CEACAM18: variants seen among roughly 807,000 people sequenced by gnomAD.
The protein encoded by CEACAM18 is cell adhesion molecule CEACAM18.
In CEACAM18, 33 loss-of-function variants were observed where a neutral mutation model predicts 34.3. The ratio of observed to expected loss-of-function variants is 0.96; its 90% CI spans 0.73 to 1.29. The LOEUF (loss-of-function observed/expected upper bound fraction) is 1.29, where lower values mean the gene tolerates loss of function less well. CEACAM18 is among the 50% of genes most tolerant of loss of function. The pLI, the probability that CEACAM18 is intolerant of heterozygous loss-of-function variation, is 0.00. For synonymous variants in CEACAM18, 169 were observed against 180.9 expected (o/e 0.93, Z 0.53); for missense variants, 474 against 485.0 (o/e 0.98, Z 0.21).
In CEACAM18 at chr19:51,490,584, T is replaced by A; in HGVS notation, c.1090-3T>A. On this transcript the variant is annotated splice_polypyrimidine_tract_variant and splice_region_variant and intron_variant, in intron 5 of 5. Coordinates refer to ENST00000396477, the Ensembl canonical transcript of CEACAM18. Reference sequence around the variant, plus strand: ...TGGCTTCTTCCCTGATTTCTCCCCATAGGACAAATCGGGCTCCATGAGTGT... The same window carrying A: ...TGGCTTCTTCCCTGATTTCTCCCCAAAGGACAAATCGGGCTCCATGAGTGT... 1 of 1,232,070 alleles carries A rather than the reference T, an allele frequency of 8.1e-7. No homozygotes were observed. 76.3% of individuals were successfully genotyped at this position (1,232,070 alleles called of 1,614,324 possible). A position where few individuals can be genotyped will look rare whatever the true frequency, so the allele number is the denominator to read the frequency against.
intron 1 of CEACAM18, 140 bp downstream of exon 1, chr19:51,478,834 G>A (rs1488907807): frequency 3.5e-6 from 2 of 568,256 alleles, no homozygotes; most frequent in Admixed American, 4.1e-5. Flanking sequence ...GGGGAGAGGA[G>A]AAGGGGGAGG....
At chr19:51,479,914 G>A (rs1263597224) in intron 1 of CEACAM18, among the ~76,000 whole-genome samples, 1 of 152,174 alleles carries the variant, frequency 6.6e-6, no homozygotes, top group Non-Finnish European at 1.5e-5. Context: ...TGCACCACAA[G>A]GAGGCTCGAT....
At chr19:51,490,735 G>A (rs75411721) in exon 6 of CEACAM18, 1 of 732,192 alleles carries the variant, frequency 1.4e-6, no homozygotes, top group Non-Finnish European at 1.9e-6. Flanking sequence ...GGAGGGTACT[G>A]GCAAGAGAGG....
At chr19:51,487,250 A>G (rs1006978687) in intron 5 of CEACAM18, among the ~76,000 whole-genome samples, 7 of 152,096 alleles carry the variant, frequency 4.6e-5, no homozygotes, top group South Asian at 2.1e-4. Flanking sequence ...TGAGGCAAGC[A>G]GATTACTTGA....
At chr19:51,485,102 G>A (rs766130229) in exon 5 of CEACAM18, 2 of 1,525,510 alleles carry the variant, frequency 1.3e-6, no homozygotes, top group South Asian at 2.4e-5. Context: ...TCCATGCTCT[G>A]ATCAACCACT....
At chr19:51,480,626 C>T (rs1048531686) in exon 2 of CEACAM18, 13 of 1,613,772 alleles carry the variant, frequency 8.1e-6, no homozygotes, top group African/African-American at 8.0e-5. Context: ...CTACACTGTT[C>T]GGGTGGTTGC....
chr19:51,481,739 A>G, intron 3 of CEACAM18, 74 bp downstream of exon 3: 2 of 1,481,472 alleles, frequency 1.4e-6, no homozygotes, highest in Non-Finnish European at 1.8e-6. Flanking sequence ...ATATGTTAGG[A>G]CAGGCTGAGC....
intron 5 of CEACAM18, among the ~76,000 whole-genome samples, chr19:51,488,366 C>T (rs1342626727): frequency 6.6e-6 from 1 of 152,210 alleles, no homozygotes; most frequent in East Asian, 1.9e-4. Context: ...ACTTTATCCC[C>T]ATAGGAGATA....
exon 2 of CEACAM18, chr19:51,480,574 C>T: frequency 1.2e-6 from 2 of 1,614,014 alleles, no homozygotes; most frequent in Non-Finnish European, 1.7e-6. Flanking sequence ...ACAGAGAAGG[C>T]AGCCTGTTGA....
At chr19:51,482,927 T>C (rs367801694) in intron 3 of CEACAM18, 90 bp from the exon 4 acceptor site, 52 of 1,512,880 alleles carry the variant, frequency 3.4e-5, no homozygotes, top group Middle Eastern at 2.3e-4. Flanking sequence ...AGGTGCACAA[T>C]GGGGAACCTC....
chr19:51,491,266 A>T (rs1990092223), downstream of CEACAM18: 1 of 166,482 alleles, frequency 6.0e-6, no homozygotes. Flanking sequence ...GCCATTTTGA[A>T]ATATTCAATA....
In CEACAM18 at chr19:51,480,066, C is replaced by T. The variant is rs528732359; in HGVS notation, c.53-267C>T. On this transcript the variant is annotated intron_variant, in intron 1 of 5. Transcript: ENST00000396477. ...CGCAACTTGGGCTTATTAACATTTA[C>T]GTAACTGTGATGTGAGGATGGATTG... is the stretch of plus-strand genomic sequence containing the variant. Among the ~76,000 whole-genome samples the T allele has an allele frequency of 2.0e-5, 3 of 152,172 alleles. No homozygotes were observed. The East Asian group carries it at 5.8e-4, about 29-fold the overall frequency.
At chr19:51,484,478 A>G (rs903533504) in intron 4 of CEACAM18, among the ~76,000 whole-genome samples, 2 of 152,140 alleles carry the variant, frequency 1.3e-5, no homozygotes, top group Non-Finnish European at 2.9e-5. Context: ...GTGCCCAGCT[A>G]ATTTTTGTAT....
chr19:51,483,035 T>C, exon 4 of CEACAM18: 1 of 1,614,002 alleles, frequency 6.2e-7, no homozygotes, highest in Non-Finnish European at 8.5e-7. Flanking sequence ...GACTATGTGC[T>C]GCTGAGGAGC....
rs912610656 is a variant in CEACAM18 at position 51,484,902 on chromosome 19, A to C, written c.954-85A>C. The C allele has an allele frequency of 1.0e-5, 15 of 1,464,304 alleles. No homozygotes were observed. In the Admixed American group the frequency reaches 2.4e-4, roughly 23 times the overall value. 90.7% of individuals were successfully genotyped at this position (1,464,304 alleles called of 1,614,324 possible). ...ATAGATGTTGACAAATCTTTGAAGAATGGATATGTGGGTGGGTGAAGAGAT... is the reference window on the plus strand; with the variant it reads ...ATAGATGTTGACAAATCTTTGAAGACTGGATATGTGGGTGGGTGAAGAGAT... On this transcript the variant is annotated intron_variant, in intron 4 of 5. Coordinates refer to ENST00000396477, the Ensembl canonical transcript of CEACAM18.
chr19:51,484,771 A>G (rs1307193149), intron 4 of CEACAM18, among the ~76,000 whole-genome samples: 1 of 111,936 alleles, frequency 8.9e-6, no homozygotes, highest in Non-Finnish European at 2.1e-5. Flanking sequence ...TCTTTGCTTA[A>G]TTGTCCACTG....
chr19:51,483,057 T>A (rs1989943574), exon 4 of CEACAM18: 1 of 1,613,886 alleles, frequency 6.2e-7, no homozygotes, highest in Admixed American at 1.7e-5. Context: ...ATCCTGATGA[T>A]TTCAACGGCA....
At chr19:51,480,554 G>A in exon 2 of CEACAM18, 1 of 1,614,032 alleles carries the variant, frequency 6.2e-7, no homozygotes, top group Non-Finnish European at 8.5e-7. Flanking sequence ...CACTGGCAGG[G>A]AGAGAGTGAA....
chr19:51,481,014 T>G (rs932394745), intron 2 of CEACAM18, among the ~76,000 whole-genome samples: 2 of 152,114 alleles, frequency 1.3e-5, no homozygotes, highest in Non-Finnish European at 2.9e-5. Context: ...GAGGGAGTAT[T>G]CGTAAAGTGA....
Sources: allele counts gnomAD v4.1 joint callset (sites outside exome capture counted in the v4.1 genomes callset), GRCh38; gene constraint gnomAD v4.1.1; transcripts MANE v1.5; gene names NCBI Gene and HGNC (gene_info 2026-07-23, HGNC 2026-07-21).